DLGAP1: variants seen among roughly 807,000 people sequenced by gnomAD.
DLGAP1 encodes DLG associated protein 1.
In DLGAP1, 11 loss-of-function variants were observed where a neutral mutation model predicts 90.8. The observed-to-expected ratio is 0.12, with a 90% confidence interval of 0.08 to 0.20. The LOEUF is 0.20. DLGAP1 is among the 10% of genes least tolerant of loss of function. The pLI is 1.00. For synonymous variants in DLGAP1, 558 were observed against 540.7 expected, an observed-to-expected ratio of 1.03 and a Z score of -0.44; for missense variants, 1,050 against 1,333.8, an observed-to-expected ratio of 0.79 and a Z score of 3.31.
chr18:4,370,889 A>T (rs1429168587), intron 1 of DLGAP1, among the ~76,000 whole-genome samples: 1 of 152,148 alleles, frequency 6.6e-6, no homozygotes, highest in Non-Finnish European at 1.5e-5. Context: ...TTTCAGTAAT[A>T]TATCATTCCA....
At chr18:3,832,297 T>A (rs766303736) in intron 4 of DLGAP1, among the ~76,000 whole-genome samples, 2 of 152,342 alleles carry the variant, frequency 1.3e-5, no homozygotes, top group African/African-American at 2.4e-5. Flanking sequence ...TGGACAGTAA[T>A]AATGCAGATA....
chr18:3,677,051 TATC>T (rs1398686965), intron 7 of DLGAP1, among the ~76,000 whole-genome samples: 1 of 152,188 alleles, frequency 6.6e-6, no homozygotes, highest in Non-Finnish European at 1.5e-5. Flanking sequence ...ATTCCTGGAA[TATC>T]TTCTGTAGCG....
At chr18:3,963,347 A>C (rs1460825767) in intron 3 of DLGAP1, among the ~76,000 whole-genome samples, 3 of 152,090 alleles carry the variant, frequency 2.0e-5, no homozygotes, top group Admixed American at 6.5e-5. Flanking sequence ...CTTTGTTGAG[A>C]GCACAGTTGC....
At chr18:3,515,456 G>A (rs1328241020) in intron 10 of DLGAP1, among the ~76,000 whole-genome samples, 71 of 83,992 alleles carry the variant, frequency 8.5e-4, no homozygotes, top group Admixed American at 1.3e-3. Context: ...GCAACAGAGC[G>A]AGATTCCATC....
chr18:4,304,690 G>C (rs1233030082), intron 1 of DLGAP1, among the ~76,000 whole-genome samples: 1 of 152,186 alleles, frequency 6.6e-6, no homozygotes, highest in Non-Finnish European at 1.5e-5. Context: ...CAACACTTTG[G>C]GAGGCTGAGG....
intron 5 of DLGAP1, among the ~76,000 whole-genome samples, chr18:3,749,926 C>A (rs1453316678): frequency 6.6e-6 from 1 of 152,154 alleles, no homozygotes; most frequent in South Asian, 2.1e-4. Flanking sequence ...CTTGTTTCTA[C>A]TTCCTATATA....
intron 1 of DLGAP1, among the ~76,000 whole-genome samples, chr18:4,336,748 A>G (rs950959): frequency 0.19 from 29,185 of 152,078 alleles, 3,048 homozygotes; most frequent in African/African-American, 0.26. Context: ...AGGAGCTTCA[A>G]TGAATAAAAC....
At chr18:3,523,558 A>C (rs2051356480) in intron 10 of DLGAP1, among the ~76,000 whole-genome samples, 1 of 152,224 alleles carries the variant, frequency 6.6e-6, no homozygotes, top group Non-Finnish European at 1.5e-5. Flanking sequence ...AAAAATGGGC[A>C]AAGGTCCGAC....
intron 2 of DLGAP1, among the ~76,000 whole-genome samples, chr18:4,056,627 C>T (rs1016573030): frequency 1.4e-4 from 21 of 152,164 alleles, no homozygotes; most frequent in African/African-American, 5.1e-4. Flanking sequence ...TACTTCATCA[C>T]TGAAACCAAA....
chr18:4,341,943 T>C (rs1456025357), intron 1 of DLGAP1, among the ~76,000 whole-genome samples: 4 of 152,144 alleles, frequency 2.6e-5, no homozygotes, highest in Admixed American at 1.3e-4. Flanking sequence ...TCTGCATCTC[T>C]TGGTGGCGTG....
At chr18:3,785,643 T>C (rs3985696) in intron 5 of DLGAP1, among the ~76,000 whole-genome samples, 148,972 of 152,246 alleles carry the variant, frequency 0.98, 72,901 homozygotes, top group East Asian at 0.99. Flanking sequence ...TGAATGAACC[T>C]GGGAGGTATT....
chr18:3,969,395 C>G (rs1300311625), intron 3 of DLGAP1, among the ~76,000 whole-genome samples: 2 of 152,160 alleles, frequency 1.3e-5, no homozygotes, highest in African/African-American at 2.4e-5. Flanking sequence ...GCAAAACGTT[C>G]TGTCACATTT....
chr18:4,102,122 TGAA>T (rs370026492), intron 2 of DLGAP1, among the ~76,000 whole-genome samples: 94 of 152,282 alleles, frequency 6.2e-4, no homozygotes, highest in African/African-American at 2.1e-3. Flanking sequence ...AATAATCTGA[TGAA>T]GGAGTAAACT....
intron 1 of DLGAP1, among the ~76,000 whole-genome samples, chr18:4,379,270 G>A (rs2082072229): frequency 6.6e-6 from 1 of 152,070 alleles, no homozygotes; most frequent in Non-Finnish European, 1.5e-5. Context: ...AGAGGAGATG[G>A]GACAGGAATA....
intron 4 of DLGAP1, among the ~76,000 whole-genome samples, chr18:3,868,787 G>A (rs920628407): frequency 1.3e-5 from 2 of 152,176 alleles, no homozygotes; most frequent in African/African-American, 4.8e-5. Context: ...TGGTTCTGTG[G>A]AGAAGAGGTC....
chr18:3,757,240 T>A (rs1338926347), intron 5 of DLGAP1, among the ~76,000 whole-genome samples: 1 of 152,056 alleles, frequency 6.6e-6, no homozygotes, highest in Non-Finnish European at 1.5e-5. Flanking sequence ...AAACCCCATC[T>A]CTACTAAAAA....
intron 1 of DLGAP1, among the ~76,000 whole-genome samples, chr18:4,317,669 C>T (rs973821337): frequency 8.5e-5 from 13 of 152,174 alleles, no homozygotes; most frequent in African/African-American, 3.1e-4. Context: ...TTAAGTATCT[C>T]TTTTGTTTTC....
intron 1 of DLGAP1, among the ~76,000 whole-genome samples, chr18:4,154,823 C>T (rs138356083): frequency 8.9e-4 from 136 of 152,274 alleles, no homozygotes; most frequent in African/African-American, 3.2e-3. Flanking sequence ...TTCATTCATT[C>T]GCCCCACCGT....
At chr18:3,634,392 C>T (rs1406251806) in intron 7 of DLGAP1, among the ~76,000 whole-genome samples, 1 of 152,070 alleles carries the variant, frequency 6.6e-6, no homozygotes, top group Non-Finnish European at 1.5e-5. Context: ...TAGCTGAAAA[C>T]TTTGATCTCC....
Sources: gnomAD v4.1 joint callset for allele counts (sites outside exome capture counted in the v4.1 genomes callset) on GRCh38, gnomAD v4.1.1 for gene constraint, MANE v1.5 for transcripts, NCBI Gene and HGNC (gene_info 2026-07-23, HGNC 2026-07-21) for gene names.